ANKRD36C: variants seen among roughly 807,000 people sequenced by gnomAD.
ANKRD36C encodes the protein ankyrin repeat domain-containing protein 36C.
A neutral mutation model predicts 276.4 loss-of-function variants in ANKRD36C; 61 were observed. That is an observed-to-expected ratio of 0.22 (90% CI 0.18 to 0.27). The LOEUF (loss-of-function observed/expected upper bound fraction) is 0.27. Ranked by LOEUF, ANKRD36C falls within the 10% of genes least tolerant of loss-of-function variation. The pLI, the probability that ANKRD36C is intolerant of heterozygous loss-of-function variation, is 1.00. For synonymous variants in ANKRD36C, 483 were observed against 680.1 expected, an observed-to-expected ratio of 0.71 and a Z score of 4.51; for missense variants, 1,447 against 2,032.3, an observed-to-expected ratio of 0.71 and a Z score of 5.54.
intron 59 of ANKRD36C, among the ~76,000 whole-genome samples, chr2:95,868,177 T>C (rs1675721504): frequency 6.6e-6 from 1 of 152,146 alleles, no homozygotes; most frequent in African/African-American, 2.4e-5. Flanking sequence ...ATTTTCTAAT[T>C]CAAGTTTTAT....
chr2:95,962,763 G>A (rs1237530806), intron 6 of ANKRD36C, among the ~76,000 whole-genome samples: 5 of 152,060 alleles, frequency 3.3e-5, no homozygotes, highest in African/African-American at 1.2e-4. Flanking sequence ...AATTTCAAAC[G>A]TGATATGATT....
chr2:95,908,838 A>T (rs1676825400), intron 42 of ANKRD36C, 141 bp from the exon 47 acceptor site: 1 of 1,463,314 alleles, frequency 6.8e-7, no homozygotes, highest in Admixed American at 2.0e-5. Flanking sequence ...GTGTCTGGGG[A>T]CTAGAACATG....
chr2:95,940,903 ATATTT>A (rs1573787553), intron 20 of ANKRD36C, among the ~76,000 whole-genome samples: 1 of 146,752 alleles, frequency 6.8e-6, no homozygotes, highest in East Asian at 1.9e-4. Flanking sequence ...AAATTAAATT[ATATTT>A]ACTATTAAAA....
chr2:95,971,975 C>T (rs976192653), intron 6 of ANKRD36C, among the ~76,000 whole-genome samples: 12 of 152,042 alleles, frequency 7.9e-5, no homozygotes, highest in African/African-American at 1.2e-4. Flanking sequence ...TTGCAACTGA[C>T]GCAAATGAAA....
intron 62 of ANKRD36C, among the ~76,000 whole-genome samples, chr2:95,856,410 A>G (rs2463585): frequency 2.0e-5 from 3 of 152,164 alleles, no homozygotes; most frequent in East Asian, 1.9e-4. Flanking sequence ...CAAAAAAGAA[A>G]CCACTAGATA....
At chr2:95,983,126 TCCTGAGCA>T (rs899171945) in intron 3 of ANKRD36C, among the ~76,000 whole-genome samples, 2 of 150,772 alleles carry the variant, frequency 1.3e-5, no homozygotes, top group East Asian at 2.0e-4. Flanking sequence ...TGTCAGGAGC[TCCTGAGCA>T]CCTGAGCACC....
chr2:95,867,252 G>GA, intron 60 of ANKRD36C, among the ~76,000 whole-genome samples, 188 bp downstream of exon 80: 1 of 152,158 alleles, frequency 6.6e-6, no homozygotes. Flanking sequence ...AAAGTACAGT[G>GA]AAATGATCAT....
At chr2:95,910,423 G>C in intron 42 of ANKRD36C, 1 of 1,559,818 alleles carries the variant, frequency 6.4e-7, no homozygotes, top group Non-Finnish European at 8.7e-7. Context: ...ACTCAAAACA[G>C]AATCTTCCTC....
At chr2:95,890,051 T>C in intron 46 of ANKRD36C, 57 bp from the exon 67 acceptor site, 4 of 1,567,782 alleles carry the variant, frequency 2.6e-6, no homozygotes, top group South Asian at 1.1e-5. Context: ...AAGTTATTCA[T>C]ACATTCATAC....
chr2:95,876,725 G>A lies in ANKRD36C; in HGVS notation c.3470-216C>T, dbSNP rs1367223113. 9.0e-5 allele frequency among the ~76,000 whole-genome samples: 13 copies of A among 144,434 alleles called. 1 individual carries two copies. In the South Asian group the frequency reaches 2.0e-3, roughly 22 times the overall value. 94.8% of individuals were successfully genotyped at this position (144,434 alleles called of 152,430 possible). A position where few individuals can be genotyped will look rare whatever the true frequency, so the allele number is the denominator to read the frequency against. ...AAATTAGCTGGGCGTGGTGGTGGGC[G>A]CCTGTAGTCCCAGCTAGTCGGGAGG... On this transcript the variant is annotated intron_variant, in intron 58 of 66. Transcript: ENST00000456556.
chr2:95,873,380 T>C (rs530522417), intron 59 of ANKRD36C, among the ~76,000 whole-genome samples: 1 of 152,160 alleles, frequency 6.6e-6, no homozygotes, highest in Admixed American at 6.5e-5. Flanking sequence ...AATAAATAAA[T>C]GTAATCCAGC....
intron 6 of ANKRD36C, among the ~76,000 whole-genome samples, chr2:95,974,310 T>G (rs1678760742): frequency 6.6e-6 from 1 of 152,158 alleles, no homozygotes; most frequent in African/African-American, 2.4e-5. Flanking sequence ...CAGCATCACT[T>G]ACACTGTCAC....
intron 17 of ANKRD36C, 148 bp downstream of exon 17, chr2:95,948,382 C>G: frequency 1.4e-6 from 1 of 709,078 alleles, no homozygotes; most frequent in Non-Finnish European, 2.1e-6. Context: ...ATTAACCCCC[C>G]CTATTTCTTT....
intron 60 of ANKRD36C, among the ~76,000 whole-genome samples, chr2:95,864,722 T>C (rs928675817): frequency 1.6e-4 from 24 of 152,084 alleles, no homozygotes; most frequent in Non-Finnish European, 2.9e-5. Flanking sequence ...TGTTCATTAA[T>C]TTATGGATGA....
At chr2:95,940,472 A>G (rs1466638781) in intron 20 of ANKRD36C, among the ~76,000 whole-genome samples, 2 of 152,208 alleles carry the variant, frequency 1.3e-5, no homozygotes, top group African/African-American at 4.8e-5. Flanking sequence ...TACAATGGCT[A>G]TTTCATCAAA....
At chr2:95,958,257 G>A (rs1334602625) in intron 12 of ANKRD36C, among the ~76,000 whole-genome samples, 1 of 151,802 alleles carries the variant, frequency 6.6e-6, no homozygotes, top group Non-Finnish European at 1.5e-5. Context: ...ACAATTTCTA[G>A]TACTTCATCT....
intron 46 of ANKRD36C, 71 bp downstream of exon 66, chr2:95,891,594 G>A: frequency 1.3e-6 from 2 of 1,490,908 alleles, no homozygotes; most frequent in Non-Finnish European, 9.0e-7. Context: ...ACCCCCCGCT[G>A]ATTTATTCAG....
At chr2:95,880,710 A>G in intron 56 of ANKRD36C, 87 bp from the exon 77 acceptor site, 1 of 1,466,008 alleles carries the variant, frequency 6.8e-7, no homozygotes, top group Non-Finnish European at 9.3e-7. Flanking sequence ...ATCAAACTGA[A>G]TACTCTTGCC....
chr2:95,879,503 T>C (rs1173762259), intron 58 of ANKRD36C, among the ~76,000 whole-genome samples: 2 of 151,214 alleles, frequency 1.3e-5, no homozygotes, highest in Non-Finnish European at 3.0e-5. Flanking sequence ...GATAACCCAT[T>C]AACCATGGTG....
Sources: allele counts gnomAD v4.1 joint callset (sites outside exome capture counted in the v4.1 genomes callset), GRCh38; gene constraint gnomAD v4.1.1; transcripts MANE v1.5; gene names NCBI Gene and HGNC (gene_info 2026-07-23, HGNC 2026-07-21).